Variants in GPR161 observed in about 807,000 individuals in gnomAD.
GPR161 encodes the protein G protein-coupled receptor 161.
GPR161 carries 25 observed loss-of-function variants against 39.2 expected under a neutral mutation model. The observed-to-expected ratio is 0.64, with a 90% confidence interval of 0.47 to 0.89. GPR161 has a LOEUF of 0.89. Among genes scored for constraint, GPR161 ranks in the 40% least tolerant of loss-of-function variants. The pLI, the probability that GPR161 is intolerant of heterozygous loss-of-function variation, is 0.00. For missense variants in GPR161, 547 were observed against 677.8 expected, an observed-to-expected ratio of 0.81 and a Z score of 2.14; for synonymous variants, 286 against 276.6, an observed-to-expected ratio of 1.03 and a Z score of -0.34.
In GPR161 at chr1:168,087,608, T is replaced by G; in HGVS notation, c.1301A>C (p.Glu434Ala). The G allele has an allele frequency of 6.2e-7, 1 of 1,614,132 alleles. No individual in the cohort carries two copies. The highest frequency in any genetic ancestry group is 1.7e-5 in the Admixed American group (1 of 60,010). ...ACCTTTGATTTGTTCCACTTCATCC[T>G]CAAATGTCACCGAGCTCCTTCTCTT... is the stretch of plus-strand genomic sequence containing the variant. ...PPKRRSSVTF[E>A]DEVEQIKEAA... Residue 434 changes from glutamate (E) to alanine (A), a missense_variant, in exon 5 of 6, where the codon GAG becomes GCG. Coordinates refer to ENST00000682931, the MANE Select transcript of GPR161 (RefSeq NM_001375883.1).
chr1:168,109,704 T>A (rs781200557), intron 1 of GPR161, among the ~76,000 whole-genome samples: 4 of 152,208 alleles, frequency 2.6e-5, no homozygotes, highest in Non-Finnish European at 4.4e-5. Flanking sequence ...CAGTGGCTGA[T>A]GCCTGTAATC....
At chr1:168,136,713 G>T in intron 1 of GPR161, 26 bp downstream of exon 1, 1 of 1,041,478 alleles carries the variant, frequency 9.6e-7, no homozygotes, top group Non-Finnish European at 1.2e-6. Flanking sequence ...CCGGGCCCGC[G>T]CCCGCGCCCC....
chr1:168,090,772 G>T (rs1042653267), intron 3 of GPR161, 104 bp from the exon 4 acceptor site: 2 of 571,878 alleles, frequency 3.5e-6, no homozygotes, highest in Non-Finnish European at 6.2e-6. Flanking sequence ...GTTCGCCCTT[G>T]CAAAACTCAC....
chr1:168,122,632 C>T (rs376467319), intron 1 of GPR161, among the ~76,000 whole-genome samples: 3 of 152,212 alleles, frequency 2.0e-5, no homozygotes, highest in African/African-American at 4.8e-5. Flanking sequence ...TCTACTCCAA[C>T]GCACTAGCCT....
intron 1 of GPR161, among the ~76,000 whole-genome samples, chr1:168,125,357 G>A (rs1052516638): frequency 4.6e-5 from 7 of 152,130 alleles, no homozygotes; most frequent in Admixed American, 2.0e-4. Context: ...GATTTAATAT[G>A]TTTTAAGCTG....
intron 1 of GPR161, among the ~76,000 whole-genome samples, chr1:168,124,322 TA>T (rs1698429965): frequency 6.6e-6 from 1 of 152,212 alleles, no homozygotes; most frequent in African/African-American, 2.4e-5. Flanking sequence ...CCATTCTAGA[TA>T]GCTGAGTTTT....
rs184279111 is a variant in GPR161, at chr1:168,116,013, G to A, written c.-44-11119C>T. Among the ~76,000 whole-genome samples, 312 of 152,206 alleles carry A rather than the reference G, an allele frequency of 2.0e-3. 1 individual carries two copies. The highest frequency in any genetic ancestry group is 7.3e-3 in the African/African-American group (302 of 41,530). On this transcript the variant is annotated intron_variant, in intron 1 of 5. Transcript: ENST00000682931. Reference sequence around the variant, plus strand: ...AGGATGGTCTCAATCTCCTGACCTCGTGATCTGCCCACCTCGGCCTCCCAA... The same window carrying A: ...AGGATGGTCTCAATCTCCTGACCTCATGATCTGCCCACCTCGGCCTCCCAA...
chr1:168,134,793 G>C (rs542622155), intron 1 of GPR161: 2 of 898,760 alleles, frequency 2.2e-6, no homozygotes, highest in East Asian at 5.3e-5. Context: ...CCTTACTGGA[G>C]ACAGGCTTAG....
intron 1 of GPR161, among the ~76,000 whole-genome samples, chr1:168,130,671 C>A (rs570924171): frequency 6.6e-6 from 1 of 152,230 alleles, no homozygotes; most frequent in Non-Finnish European, 1.5e-5. Flanking sequence ...CACTTAAACA[C>A]TGATGACTCC....
chr1:168,132,891 C>T (rs1265985875), intron 1 of GPR161, among the ~76,000 whole-genome samples: 1 of 151,956 alleles, frequency 6.6e-6, no homozygotes, highest in East Asian at 1.9e-4. Flanking sequence ...ATTACAGGTG[C>T]CCACCACCAT....
chr1:168,134,912 T>C (rs1458597677), intron 1 of GPR161: 1 of 1,535,620 alleles, frequency 6.5e-7, no homozygotes, highest in Non-Finnish European at 8.7e-7. Flanking sequence ...GTACCTCCTC[T>C]TGCTGACATT....
chr1:168,084,408 C>T lies in GPR161; in HGVS notation c.*1123G>A. 4.2e-6 allele frequency: 1 copy of T among 237,876 alleles called. No individual in the cohort carries two copies. The highest frequency in any genetic ancestry group is 2.3e-5 in the African/African-American group (1 of 42,626). The allele number at this position is 237,876 out of a possible 1,614,324, so 14.7% of individuals were successfully genotyped here. A position where few individuals can be genotyped will look rare whatever the true frequency, so the allele number is the denominator to read the frequency against. On this transcript the variant is annotated 3_prime_UTR_variant, in exon 6 of 6. Coordinates refer to ENST00000682931, the MANE Select transcript of GPR161 (RefSeq NM_001375883.1). ...ATCTTGGAGACCATTCAATCCAACTCCACTCTGTTTTCCCACTTTACAGAG... is the reference window on the plus strand; with the variant it reads ...ATCTTGGAGACCATTCAATCCAACTTCACTCTGTTTTCCCACTTTACAGAG...
chr1:168,115,469 G>T (rs1697542936), intron 1 of GPR161, among the ~76,000 whole-genome samples: 1 of 151,986 alleles, frequency 6.6e-6, no homozygotes. Flanking sequence ...TGGGCCCTAG[G>T]AAGTAGACTC....
At chr1:168,101,809 T>C (rs979920255) in intron 2 of GPR161, among the ~76,000 whole-genome samples, 1 of 152,164 alleles carries the variant, frequency 6.6e-6, no homozygotes, top group African/African-American at 2.4e-5. Flanking sequence ...CTTTTTCTTT[T>C]CTTTTCTTTT....
At chr1:168,102,351 G>A (rs564747629) in intron 2 of GPR161, among the ~76,000 whole-genome samples, 110 of 152,222 alleles carry the variant, frequency 7.2e-4, no homozygotes, top group Middle Eastern at 3.4e-3. Context: ...TGGAGTTGTC[G>A]ATGGTGGTTA....
At chr1:168,129,920 G>T (rs963822726) in intron 1 of GPR161, among the ~76,000 whole-genome samples, 2 of 152,128 alleles carry the variant, frequency 1.3e-5, no homozygotes, top group Non-Finnish European at 2.9e-5. Flanking sequence ...TTTGCTTTGG[G>T]CAAGGTCACC....
chr1:168,102,803 C>T (rs892806514), intron 2 of GPR161, among the ~76,000 whole-genome samples: 1 of 148,560 alleles, frequency 6.7e-6, no homozygotes, highest in Admixed American at 6.8e-5. Flanking sequence ...CCACGGGACC[C>T]AGGGCCCAGA....
intron 1 of GPR161, among the ~76,000 whole-genome samples, chr1:168,115,332 A>G (rs1697532858): frequency 6.6e-6 from 1 of 151,684 alleles, no homozygotes; most frequent in African/African-American, 2.4e-5. Flanking sequence ...TATATAACAC[A>G]TGTCAAGACT....
At chr1:168,108,476 GC>G (rs1257387053) in intron 1 of GPR161, among the ~76,000 whole-genome samples, 1 of 22,726 alleles carries the variant, frequency 4.4e-5, no homozygotes, top group East Asian at 4.3e-3. Flanking sequence ...ATCCACTGAG[GC>G]CCTAGTTGTA....
Sources: gnomAD v4.1 joint callset for allele counts (sites outside exome capture counted in the v4.1 genomes callset) on GRCh38, gnomAD v4.1.1 for gene constraint, MANE v1.5 for transcripts, NCBI Gene and HGNC (gene_info 2026-07-23, HGNC 2026-07-21) for gene names.